The following TSHZ3 variants were observed in gnomAD, a reference collection of about 807,000 sequenced individuals.
The protein encoded by TSHZ3 is teashirt homolog 3.
TSHZ3 carries 10 observed loss-of-function variants against 64.5 expected under a neutral mutation model. The ratio of observed to expected loss-of-function variants is 0.16; its 90% CI spans 0.10 to 0.26. TSHZ3 has a LOEUF of 0.26. TSHZ3 is among the 10% of genes least tolerant of loss of function. The pLI is 1.00. For missense variants in TSHZ3, 1,242 were observed against 1,421.7 expected (o/e 0.87, Z 2.03); for synonymous variants, 608 against 593.1 (o/e 1.03, Z -0.36).
At chr19:31,281,797 C>T (rs1221137525) in intron 1 of TSHZ3, among the ~76,000 whole-genome samples, 1 of 152,222 alleles carries the variant, frequency 6.6e-6, no homozygotes, top group African/African-American at 2.4e-5. Context: ...CGACAGACTT[C>T]CTCGGCATGC....
At chr19:31,201,180 A>C (rs1975080620) in intron 5 of TSHZ3, among the ~76,000 whole-genome samples, 1 of 152,330 alleles carries the variant, frequency 6.6e-6, no homozygotes, top group Non-Finnish European at 1.5e-5. Flanking sequence ...CTCTACAGGT[A>C]GGTCTGGGGC....
intron 4 of TSHZ3, among the ~76,000 whole-genome samples, chr19:31,205,211 G>C (rs1184913751): frequency 6.6e-6 from 1 of 152,106 alleles, no homozygotes; most frequent in African/African-American, 2.4e-5. Flanking sequence ...TTGGGGCCAA[G>C]TGCCTTACAC....
At chr19:31,270,567 A>G (rs1392132347), downstream of TSHZ3, among the ~76,000 whole-genome samples, 1 of 152,164 alleles carries the variant, frequency 6.6e-6, no homozygotes, top group Non-Finnish European at 1.5e-5. Flanking sequence ...CTCCCACTTC[A>G]GCCTCCCAAA....
In TSHZ3 at chr19:31,163,828, A is replaced by C. The variant is rs951840178; in HGVS notation, n.810-7411T>G. Among the ~76,000 whole-genome samples, 3 of 152,200 alleles carry C rather than the reference A, an allele frequency of 2.0e-5. No homozygotes were observed. In the East Asian group the frequency reaches 5.8e-4, roughly 29 times the overall value. On this transcript the variant is annotated intron_variant and non_coding_transcript_variant, in intron 5 of 6. Coordinates refer to the TSHZ3 transcript ENST00000651361. ...ACACAGCTCAGAGAGGTGATTGGGC[A>C]CCAATAATCCCATCAAGAAGAGCTG...
intron 1 of TSHZ3, among the ~76,000 whole-genome samples, chr19:31,326,975 G>T (rs558683799): frequency 2.6e-5 from 4 of 152,136 alleles, no homozygotes; most frequent in Non-Finnish European, 5.9e-5. Flanking sequence ...TGTGAGGAAC[G>T]CCAGAGAAGG....
At chr19:31,270,993 C>T (rs1023836281), downstream of TSHZ3, among the ~76,000 whole-genome samples, 1 of 152,062 alleles carries the variant, frequency 6.6e-6, no homozygotes, top group Non-Finnish European at 1.5e-5. Context: ...ATTTTTGGAC[C>T]AGAGGTGGGG....
chr19:31,204,718 C>A (rs1011273057), intron 5 of TSHZ3: 1 of 152,276 alleles, frequency 6.6e-6, no homozygotes, highest in Non-Finnish European at 1.5e-5. Flanking sequence ...ATGTTTCCGT[C>A]CTGAGTTGTC....
At chr19:31,289,090 T>TA (rs1299271125) in intron 1 of TSHZ3, among the ~76,000 whole-genome samples, 1 of 152,220 alleles carries the variant, frequency 6.6e-6, no homozygotes, top group East Asian at 1.9e-4. Flanking sequence ...ATAAAGGACT[T>TA]TTCTAAGTTA....
chr19:31,214,855 C>T (rs1975305911), intron 4 of TSHZ3, among the ~76,000 whole-genome samples: 2 of 135,188 alleles, frequency 1.5e-5, no homozygotes, highest in Non-Finnish European at 3.1e-5. Context: ...TTGCAGTGAG[C>T]GGAGATCCGG....
At chr19:31,234,085 T>C (rs1304738208) in intron 3 of TSHZ3, among the ~76,000 whole-genome samples, 1 of 152,198 alleles carries the variant, frequency 6.6e-6, no homozygotes, top group East Asian at 1.9e-4. Flanking sequence ...TTCCTTAATT[T>C]CTTTCAAAAA....
intron 5 of TSHZ3, among the ~76,000 whole-genome samples, chr19:31,203,079 T>C (rs1483641350): frequency 1.3e-5 from 2 of 148,684 alleles, no homozygotes. Flanking sequence ...TAGGCAGGGC[T>C]AAAAGAGAAG....
At chr19:31,329,969 C>T (rs1192962661) in intron 1 of TSHZ3, among the ~76,000 whole-genome samples, 2 of 152,150 alleles carry the variant, frequency 1.3e-5, no homozygotes, top group Non-Finnish European at 2.9e-5. Flanking sequence ...AGACACACAA[C>T]TAGGAAGAGA....
chr19:31,327,422 TG>T (rs1916962851), intron 1 of TSHZ3, among the ~76,000 whole-genome samples: 1 of 152,220 alleles, frequency 6.6e-6, no homozygotes, highest in African/African-American at 2.4e-5. Context: ...AATAAATACC[TG>T]AAATCCTTAC....
At chr19:31,326,963 C>T (rs566496486) in intron 1 of TSHZ3, among the ~76,000 whole-genome samples, 1 of 152,274 alleles carries the variant, frequency 6.6e-6, no homozygotes, top group South Asian at 2.1e-4. Context: ...AGTCCAGCTC[C>T]ATGTGAGGAA....
At chr19:31,225,705 T>C (rs1484308566) in intron 4 of TSHZ3, among the ~76,000 whole-genome samples, 1 of 152,160 alleles carries the variant, frequency 6.6e-6, no homozygotes, top group Non-Finnish European at 1.5e-5. Flanking sequence ...ACAGTTTCCA[T>C]CAACAGATAT....
intron 1 of TSHZ3, among the ~76,000 whole-genome samples, chr19:31,325,879 A>G (rs924352422): frequency 1.3e-5 from 2 of 152,236 alleles, no homozygotes; most frequent in African/African-American, 4.8e-5. Flanking sequence ...AGGATATAGC[A>G]GCTGAAACCT....
intron 1 of TSHZ3, among the ~76,000 whole-genome samples, chr19:31,301,179 G>A (rs945700092): frequency 3.4e-5 from 5 of 145,908 alleles, no homozygotes; most frequent in South Asian, 2.1e-4. Context: ...AGTGGATTGC[G>A]GGGGATTTCA....
chr19:31,284,814 C>T lies in TSHZ3; in HGVS notation c.41-5062G>A, dbSNP rs144615384. Among the ~76,000 whole-genome samples the T allele has an allele frequency of 1.1e-4, 16 of 152,300 alleles. No homozygotes were observed. In the East Asian group the frequency reaches 2.9e-3, roughly 28 times the overall value. ...CACACACCCACACCCCAGTTATCAG[C>T]CGCAACCCTACCGTCCGGCCCAGAG... On this transcript the variant is annotated intron_variant, in intron 1 of 1. Transcript: ENST00000240587.
intron 4 of TSHZ3, among the ~76,000 whole-genome samples, chr19:31,210,565 G>T (rs769442491): frequency 5.9e-5 from 9 of 152,068 alleles, no homozygotes; most frequent in Non-Finnish European, 1.0e-4. Context: ...AGTGTCTAGG[G>T]GTTAACACTT....
Sources: gnomAD v4.1 joint callset for allele counts (sites outside exome capture counted in the v4.1 genomes callset) on GRCh38, gnomAD v4.1.1 for gene constraint, MANE v1.5 for transcripts, NCBI Gene and HGNC (gene_info 2026-07-23, HGNC 2026-07-21) for gene names.